The following CPPED1 variants were observed in gnomAD, a reference collection of about 807,000 sequenced individuals.
CPPED1 encodes the protein calcineurin like phosphoesterase domain containing 1, also known as serine/threonine-protein phosphatase CPPED1.
A neutral mutation model predicts 28.0 loss-of-function variants in CPPED1; 28 were observed. The observed-to-expected ratio is 1.00, with a 90% CI of 0.74 to 1.37. The LOEUF (loss-of-function observed/expected upper bound fraction) is 1.37. Ranked by LOEUF, CPPED1 falls within the 40% of genes most tolerant of loss-of-function variation. CPPED1 has a pLI of 0.00. For synonymous variants in CPPED1, 198 were observed against 180.2 expected (o/e 1.10, Z -0.79); for missense variants, 504 against 416.5 (o/e 1.21, Z -1.83).
Position 12,781,231 on chromosome 16 carries a change from T to G in CPPED1, c.243A>C (p.Lys81Asn). The change falls in exon 2 of 4, where the codon AAA (lysine) becomes AAC (asparagine). Residue 81 changes from lysine (K) to asparagine (N), a missense_variant. Coordinates refer to ENST00000381774, the MANE Select transcript of CPPED1 (RefSeq NM_018340.3). ...AVQAINKLNPKPKFFVLCGDL... is the reference protein window; with the variant it reads ...AVQAINKLNPNPKFFVLCGDL... ...CGCCGCACAGAACGAAGAATTTGGG[T>G]TTGGGGTTCAGCTTGTTGATGGCCT... 6.2e-7 allele frequency: 1 copy of G among 1,613,930 alleles called. No individual in the cohort carries two copies.
rs544564914 is a variant in CPPED1, at chr16:12,742,619, C to G, written c.290-37570G>C. On this transcript the variant is annotated intron_variant, in intron 2 of 3. Transcript: ENST00000381774. Reference sequence around the variant, plus strand: ...TATTGGGTGATACAGGATATGCACCCTGCACTGAAAAATCAGGGGTAGTAG... The same window carrying G: ...TATTGGGTGATACAGGATATGCACCGTGCACTGAAAAATCAGGGGTAGTAG... 2.9e-4 allele frequency among the ~76,000 whole-genome samples: 32 copies of G among 111,728 alleles called. No homozygotes were observed. In the Admixed American group the frequency reaches 3.1e-3, roughly 11 times the overall value. The allele number at this position is 111,728 out of a possible 152,430, so 73.3% of individuals were successfully genotyped here. A position where few individuals can be genotyped will look rare whatever the true frequency, so the allele number is the denominator to read the frequency against.
In CPPED1 at chr16:12,675,964, A is replaced by C. The variant is rs565257478; in HGVS notation, c.716-10849T>G. On this transcript the variant is annotated intron_variant, in intron 3 of 3. Transcript: ENST00000381774. ...AGATAAGAGATTCTGGCCAGGGGGC[A>C]AAGGGGAAGCGACAGATGTTTCTTA... is the stretch of plus-strand genomic sequence containing the variant. Among the ~76,000 whole-genome samples, 8 of 152,356 alleles carry C rather than the reference A, an allele frequency of 5.3e-5. No homozygotes were observed. In the South Asian group the frequency reaches 1.7e-3, roughly 32 times the overall value.
At chr16:12,707,881 G>A (rs2080059876) in intron 2 of CPPED1, among the ~76,000 whole-genome samples, 1 of 152,234 alleles carries the variant, frequency 6.6e-6, no homozygotes, top group South Asian at 2.1e-4. Flanking sequence ...GCGTACTGAT[G>A]CATGCCTATA....
intron 3 of CPPED1, among the ~76,000 whole-genome samples, chr16:12,692,647 G>A (rs2079969643): frequency 6.6e-6 from 1 of 152,196 alleles, no homozygotes; most frequent in Non-Finnish European, 1.5e-5. Flanking sequence ...TGCGGTGGAG[G>A]TTTGCCACAC....
At chr16:12,701,265 C>A (rs1217621427) in intron 3 of CPPED1, among the ~76,000 whole-genome samples, 1 of 151,966 alleles carries the variant, frequency 6.6e-6, no homozygotes, top group Non-Finnish European at 1.5e-5. Flanking sequence ...TGTGGTGGCT[C>A]ACACCCGTAA....
At chr16:12,761,921 A>T (rs762631329) in intron 2 of CPPED1, among the ~76,000 whole-genome samples, 2 of 152,122 alleles carry the variant, frequency 1.3e-5, no homozygotes, top group Non-Finnish European at 2.9e-5. Context: ...AGGCTGAGGC[A>T]TGAGAATCAC....
intron 3 of CPPED1, among the ~76,000 whole-genome samples, chr16:12,702,755 T>C (rs2080027026): frequency 6.6e-6 from 1 of 152,036 alleles, no homozygotes; most frequent in Non-Finnish European, 1.5e-5. Flanking sequence ...CCCAGCACTT[T>C]GGGAGGCCGA....
chr16:12,744,294 G>GCAAGCAAGCAAGCAAGCAAGCA (rs199563639), intron 2 of CPPED1, among the ~76,000 whole-genome samples: 1 of 76,366 alleles, frequency 1.3e-5, no homozygotes, highest in African/African-American at 3.8e-5. Flanking sequence ...GAGAGAGAGA[G>GCAAGCAAGCAAGCAAGCAAGCA]AGAAAGCAAG....
At chr16:12,741,444 G>A (rs773861733) in intron 2 of CPPED1, among the ~76,000 whole-genome samples, 87 of 152,260 alleles carry the variant, frequency 5.7e-4, no homozygotes, top group Admixed American at 4.0e-3. Flanking sequence ...ATGATTTAAG[G>A]CAGGAAGCTC....
intron 2 of CPPED1, among the ~76,000 whole-genome samples, chr16:12,712,718 A>G (rs1349753506): frequency 6.6e-6 from 1 of 152,176 alleles, no homozygotes; most frequent in African/African-American, 2.4e-5. Context: ...GGAAGTTATT[A>G]GAGCTAGTAG....
intron 2 of CPPED1, chr16:12,759,155 T>C: frequency 8.5e-6 from 1 of 118,112 alleles, no homozygotes; most frequent in East Asian, 2.4e-4. Context: ...AGACGAAGAC[T>C]CTGTCTCTAA....
At chr16:12,704,244 G>A (rs904897482) in intron 3 of CPPED1, among the ~76,000 whole-genome samples, 2 of 152,098 alleles carry the variant, frequency 1.3e-5, no homozygotes, top group South Asian at 4.1e-4. Flanking sequence ...ACACCCACCT[G>A]CACTACCCAG....
At chr16:12,743,397 T>C (rs1026816971) in intron 2 of CPPED1, among the ~76,000 whole-genome samples, 1 of 152,194 alleles carries the variant, frequency 6.6e-6, no homozygotes, top group African/African-American at 2.4e-5. Context: ...TACAGTAGAC[T>C]ATCTTTATGA....
At chr16:12,738,765 C>T (rs2080239491) in intron 2 of CPPED1, among the ~76,000 whole-genome samples, 1 of 152,116 alleles carries the variant, frequency 6.6e-6, no homozygotes, top group South Asian at 2.1e-4. Context: ...ACTCATAAAA[C>T]GAATGTCATC....
intron 2 of CPPED1, among the ~76,000 whole-genome samples, chr16:12,711,215 A>C (rs2080078206): frequency 6.6e-6 from 1 of 152,236 alleles, no homozygotes; most frequent in Non-Finnish European, 1.5e-5. Context: ...ATATATGCTA[A>C]GTGAAATAAG....
intron 1 of CPPED1, among the ~76,000 whole-genome samples, chr16:12,801,581 T>A (rs1199979471): frequency 1.3e-5 from 2 of 152,020 alleles, no homozygotes; most frequent in Non-Finnish European, 2.9e-5. Flanking sequence ...TTATACCCTA[T>A]AACCCAGAAC....
rs532097449 is a variant in CPPED1, at chr16:12,688,226, T to C, written c.715+16398A>G. The stretch of plus-strand genomic sequence containing the variant: ...TAAGAGGAACCACACCCCTATCCAA[T>C]AGGTAGAAAGCAAAGTACTTGCACA... On this transcript the variant is annotated intron_variant, in intron 3 of 3. Coordinates refer to ENST00000381774, the MANE Select transcript of CPPED1 (RefSeq NM_018340.3). Among the ~76,000 whole-genome samples the C allele has an allele frequency of 2.4e-4, 36 of 151,082 alleles. 1 individual carries two copies. The South Asian group carries it at 4.0e-3, about 17-fold the overall frequency.
chr16:12,766,285 A>AGAGAGAGAAAGAGAGAGAGAGAGAGC (rs2080438829), intron 2 of CPPED1, among the ~76,000 whole-genome samples: 1 of 147,826 alleles, frequency 6.8e-6, no homozygotes, highest in African/African-American at 2.6e-5. Flanking sequence ...AGGGAGAGAG[A>AGAGAGAGAAAGAGAGAGAGAGAGAGC]GAGAGAGAAA....
At chr16:12,697,398 T>C (rs1001240363) in intron 3 of CPPED1, among the ~76,000 whole-genome samples, 10 of 152,178 alleles carry the variant, frequency 6.6e-5, no homozygotes, top group Non-Finnish European at 1.0e-4. Context: ...CATCCTGGTC[T>C]TCAGGGGAAC....
Sources: gnomAD v4.1 joint callset for allele counts (sites outside exome capture counted in the v4.1 genomes callset) on GRCh38, gnomAD v4.1.1 for gene constraint, MANE v1.5 for transcripts, NCBI Gene and HGNC (gene_info 2026-07-23, HGNC 2026-07-21) for gene names.